OLFML1: variants seen among roughly 807,000 people sequenced by gnomAD.
OLFML1 encodes olfactomedin like 1, also known as olfactomedin-like protein 1.
Under a neutral mutation model 37.3 loss-of-function variants are expected in OLFML1, and 33 were observed. The ratio of observed to expected loss-of-function variants is 0.88; its 90% CI spans 0.67 to 1.18. The LOEUF is 1.18. OLFML1 is among the 50% of genes most tolerant of loss of function. OLFML1 has a pLI of 0.00. For missense variants in OLFML1, 545 were observed against 483.7 expected (o/e 1.13, Z -1.19); for synonymous variants, 186 against 181.3 (o/e 1.03, Z -0.21).
intron 2 of OLFML1, among the ~76,000 whole-genome samples, chr11:7,496,713 A>AG (rs372511476): frequency 3.6e-3 from 542 of 151,894 alleles, no homozygotes; most frequent in Non-Finnish European, 6.7e-3. Context: ...GAAAAAAAAA[A>AG]CACTATGCAA....
Position 7,509,603 on chromosome 11 carries a change from C to A in OLFML1, c.624C>A (p.Ile208=). 1.2e-6 allele frequency: 2 copies of A among 1,614,174 alleles called. No homozygotes were observed. The highest frequency in any genetic ancestry group is 2.2e-5 in the South Asian group (2 of 91,082). The change falls in exon 3 of 3, where the codon ATC becomes ATA. Residue 208 remains isoleucine (I), a synonymous_variant. Coordinates refer to ENST00000329293, the MANE Select transcript of OLFML1 (RefSeq NM_198474.4). ...DNTKPAPRKQ[I]LTLSWQGTGQ... is the part of the protein sequence containing the mutation. ...CCAAGCCAGCTCCCCGGAAGCAAAT[C>A]CTAACACTTTCCTGGCAGGGAACAG... is the stretch of plus-strand genomic sequence containing the variant.
intron 2 of OLFML1, among the ~76,000 whole-genome samples, chr11:7,501,291 C>T (rs1289505274): frequency 6.6e-6 from 1 of 152,224 alleles, no homozygotes; most frequent in Non-Finnish European, 1.5e-5. Context: ...CTCAGTATGG[C>T]AGGGGGTCCT....
intron 2 of OLFML1, among the ~76,000 whole-genome samples, chr11:7,496,897 A>T (rs1326597653): frequency 2.0e-5 from 3 of 151,730 alleles, no homozygotes; most frequent in Admixed American, 2.0e-4. Context: ...TATAAAACAT[A>T]AAAAAAAATT....
chr11:7,488,522 G>A, intron 2 of OLFML1, 107 bp downstream of exon 2: 2 of 881,702 alleles, frequency 2.3e-6, no homozygotes, highest in African/African-American at 1.7e-5. Context: ...AGTAAGAATT[G>A]GAGGTGTGCT....
rs1848548342 is a variant in OLFML1 at position 7,488,178 on chromosome 11, C to G, written c.181C>G (p.Gln61Glu). 1 of 1,613,272 alleles carries G rather than the reference C, an allele frequency of 6.2e-7. No homozygotes were observed. Among genetic ancestry groups the G allele is most frequent in the Admixed American group, 1.7e-5 (1 of 59,946 alleles). Reference protein sequence around the residue: ...QATRAYIQEFQEFSKNISVML... With the variant: ...QATRAYIQEFEEFSKNISVML... Reference sequence around the variant, plus strand: ...AACGAGGGCATACATTCAAGAATTCCAAGAGTTCTCAAAAAATATATCTGT... The same window carrying G: ...AACGAGGGCATACATTCAAGAATTCGAAGAGTTCTCAAAAAATATATCTGT... The change falls in exon 2 of 3, where the codon CAA (glutamine) becomes GAA (glutamate). Residue 61 changes from glutamine to glutamate, a missense_variant. Coordinates refer to ENST00000329293, the MANE Select transcript of OLFML1 (RefSeq NM_198474.4).
At chr11:7,493,374 CTGTT>C (rs1374289150) in intron 2 of OLFML1, among the ~76,000 whole-genome samples, 4 of 152,314 alleles carry the variant, frequency 2.6e-5, no homozygotes, top group East Asian at 1.9e-4. Context: ...TAAAATGTAT[CTGTT>C]TGCCAACTCT....
At chr11:7,493,320 T>C (rs549896790) in intron 2 of OLFML1, among the ~76,000 whole-genome samples, 2 of 152,338 alleles carry the variant, frequency 1.3e-5, no homozygotes, top group South Asian at 4.1e-4. Context: ...TTCAAAACCA[T>C]TAAAAGCAAG....
chr11:7,502,055 T>G lies in OLFML1; in HGVS notation c.419-7343T>G, dbSNP rs11041422. Among the ~76,000 whole-genome samples the G allele has an allele frequency of 6.7e-3, 1,023 of 152,362 alleles. 7 individuals carry two copies. Among genetic ancestry groups the G allele is most frequent in the Middle Eastern group, 0.027 (8 of 294 alleles). ...AGAGTAGATAATTTTCGGGTGGACA[T>G]ATTTACATAGTGTGGTCACAGGAAG... On this transcript the variant is annotated intron_variant, in intron 2 of 2. Coordinates refer to ENST00000329293, the MANE Select transcript of OLFML1 (RefSeq NM_198474.4).
In OLFML1 at chr11:7,506,804, T is replaced by C. The variant is rs571884108; in HGVS notation, c.419-2594T>C. ...AGCTATTACAGTGGTTTAGGCTGCA[T>C]AGGAAAGAAAGCAAGATGAAGAGAG... On this transcript the variant is annotated intron_variant, in intron 2 of 2. Coordinates refer to ENST00000329293, the MANE Select transcript of OLFML1 (RefSeq NM_198474.4). Among the ~76,000 whole-genome samples the C allele has an allele frequency of 7.2e-5, 11 of 152,014 alleles. No homozygotes were observed. The South Asian group carries it at 2.3e-3, about 32-fold the overall frequency.
chr11:7,498,621 A>T (rs1848688878), intron 2 of OLFML1, among the ~76,000 whole-genome samples: 1 of 152,230 alleles, frequency 6.6e-6, no homozygotes, highest in Admixed American at 6.5e-5. Context: ...TCTGATTAGT[A>T]TTGATAAATG....
chr11:7,493,514 G>C (rs1848626875), intron 2 of OLFML1, among the ~76,000 whole-genome samples: 1 of 152,260 alleles, frequency 6.6e-6, no homozygotes, highest in Non-Finnish European at 1.5e-5. Context: ...ACAGGTGTGT[G>C]TGTGCACGTG....
At chr11:7,492,653 G>T (rs1848612746) in intron 2 of OLFML1, among the ~76,000 whole-genome samples, 2 of 152,114 alleles carry the variant, frequency 1.3e-5, no homozygotes, top group Non-Finnish European at 1.5e-5. Flanking sequence ...ATCCCCAAAT[G>T]ACGTCCACAT....
intron 1 of OLFML1, 33 bp from the exon 2 acceptor site, chr11:7,488,094 G>A (rs78697293): frequency 0.063 from 96,349 of 1,520,712 alleles, 3,611 homozygotes; most frequent in Non-Finnish European, 0.076. Context: ...TAAATAACAA[G>A]CAATAATTTG....
At chr11:7,496,809 G>A (rs562792286) in intron 2 of OLFML1, among the ~76,000 whole-genome samples, 1 of 152,276 alleles carries the variant, frequency 6.6e-6, no homozygotes, top group African/African-American at 2.4e-5. Flanking sequence ...TGTTGTTGCA[G>A]TCAGATAATT....
At chr11:7,499,339 A>G (rs1396882673) in intron 2 of OLFML1, among the ~76,000 whole-genome samples, 1 of 152,210 alleles carries the variant, frequency 6.6e-6, no homozygotes, top group African/African-American at 2.4e-5. Context: ...CTGGACCCAA[A>G]GGTTTTAAAT....
chr11:7,509,286 C>A, intron 2 of OLFML1, 112 bp from the exon 3 acceptor site: 3 of 750,700 alleles, frequency 4.0e-6, no homozygotes, highest in Non-Finnish European at 4.4e-6. Context: ...AAATATTCCC[C>A]ATCAGTATTA....
chr11:7,500,528 C>T (rs1008503220), intron 2 of OLFML1, among the ~76,000 whole-genome samples: 16 of 152,150 alleles, frequency 1.1e-4, no homozygotes, highest in African/African-American at 3.4e-4. Context: ...CCCATCCCCA[C>T]GCTTTATGGC....
chr11:7,497,137 T>C (rs1477073320), intron 2 of OLFML1, among the ~76,000 whole-genome samples: 1 of 152,222 alleles, frequency 6.6e-6, no homozygotes, highest in Admixed American at 6.5e-5. Context: ...AGAAACCCTT[T>C]ACAGTCATAA....
At chr11:7,490,561 T>C (rs969062305) in intron 2 of OLFML1, among the ~76,000 whole-genome samples, 33 of 152,320 alleles carry the variant, frequency 2.2e-4, no homozygotes, top group African/African-American at 7.9e-4. Flanking sequence ...GTCCTGAGAC[T>C]GGACTTGCTT....
Sources: gnomAD v4.1 joint callset for allele counts (sites outside exome capture counted in the v4.1 genomes callset) on GRCh38, gnomAD v4.1.1 for gene constraint, MANE v1.5 for transcripts, NCBI Gene and HGNC (gene_info 2026-07-23, HGNC 2026-07-21) for gene names.